The following PRKG2 variants were observed in gnomAD, a reference collection of about 807,000 sequenced individuals.
PRKG2 encodes the protein protein kinase cGMP-dependent 2.
Under a neutral mutation model 97.2 loss-of-function variants are expected in PRKG2, and 33 were observed. That is an observed-to-expected ratio of 0.34 (90% CI 0.26 to 0.45). PRKG2 has a LOEUF of 0.45. PRKG2 is among the 20% of genes least tolerant of loss of function. The pLI, the probability that PRKG2 is intolerant of heterozygous loss-of-function variation, is 1.00. For missense variants in PRKG2, 638 were observed against 900.0 expected (o/e 0.71, Z 3.73); for synonymous variants, 330 against 321.8 (o/e 1.03, Z -0.27).
At position 81,128,613 on chromosome 4, in the gene PRKG2, C is replaced by T. The variant is rs192105733; in HGVS notation, c.1776+6542G>A. Among the ~76,000 whole-genome samples, 30 of 152,264 alleles carry T rather than the reference C, an allele frequency of 2.0e-4. No individual in the cohort carries two copies. The South Asian group carries it at 2.1e-3, about 11-fold the overall frequency. ...ACTGCTAGATTTTCTAGTTTATTTG[C>T]GTAGAAGTGTTTATAGCATTCTCTG... On this transcript the variant is annotated intron_variant, in intron 14 of 18. Transcript: ENST00000264399.
At chr4:81,100,135 T>C (rs1406505614) in intron 17 of PRKG2, among the ~76,000 whole-genome samples, 1 of 151,630 alleles carries the variant, frequency 6.6e-6, no homozygotes. Flanking sequence ...ATGGCCATAC[T>C]GCCCAAGGTA....
intron 14 of PRKG2, among the ~76,000 whole-genome samples, chr4:81,112,813 A>G (rs1744117577): frequency 6.6e-6 from 1 of 152,190 alleles, no homozygotes; most frequent in African/African-American, 2.4e-5. Flanking sequence ...TATTTTCTAT[A>G]AAAATCACGC....
At chr4:81,153,867 C>G in intron 6 of PRKG2, 146 bp from the exon 7 acceptor site, 1 of 600,628 alleles carries the variant, frequency 1.7e-6, no homozygotes, top group South Asian at 1.9e-5. Context: ...GGGTTCATCT[C>G]ACTAGGGAGT....
intron 3 of PRKG2, 81 bp from the exon 4 acceptor site, chr4:81,171,885 T>C (rs1258295469): frequency 4.2e-6 from 4 of 944,344 alleles, no homozygotes; most frequent in Non-Finnish European, 4.7e-6. Context: ...AATAAAACAA[T>C]CATAAAGCAC....
Position 81,099,295 on chromosome 4 carries a change from T to C in PRKG2, c.2126+5075A>G, listed in dbSNP as rs555258125. Among the ~76,000 whole-genome samples, 712 of 152,226 alleles carry C rather than the reference T, an allele frequency of 4.7e-3. 4 individuals are homozygous for C. The highest frequency in any genetic ancestry group is 0.016 in the African/African-American group (685 of 41,546). On this transcript the variant is annotated intron_variant, in intron 17 of 18. Coordinates refer to ENST00000264399, the MANE Select transcript of PRKG2 (RefSeq NM_006259.3). The stretch of plus-strand genomic sequence containing the variant: ...TTTAGACCAATATCCTTGATGAACA[T>C]TGATGCAAAAATCCTCAATAAAATA...
At chr4:81,139,229 G>A (rs113848790) in intron 12 of PRKG2, among the ~76,000 whole-genome samples, 1 of 152,098 alleles carries the variant, frequency 6.6e-6, no homozygotes, top group Non-Finnish European at 1.5e-5. Flanking sequence ...TAGGACCAGG[G>A]TACATTCCCC....
chr4:81,185,707 G>A (rs1039678119), intron 2 of PRKG2, among the ~76,000 whole-genome samples: 2 of 151,674 alleles, frequency 1.3e-5, no homozygotes, highest in Non-Finnish European at 2.9e-5. Context: ...AGACCCCTCG[G>A]GGTGCTGTGT....
chr4:81,137,998 G>C (rs1746879208), intron 12 of PRKG2, among the ~76,000 whole-genome samples: 1 of 152,148 alleles, frequency 6.6e-6, no homozygotes, highest in Non-Finnish European at 1.5e-5. Context: ...GAGTGCAATT[G>C]GAAACAACAC....
intron 2 of PRKG2, chr4:81,175,900 A>G (rs1029010037): frequency 5.3e-5 from 8 of 152,298 alleles, no homozygotes; most frequent in Admixed American, 3.9e-4. Context: ...TCAGATCTGC[A>G]CAATATATTT....
chr4:81,093,567 A>G (rs901733740), intron 17 of PRKG2, among the ~76,000 whole-genome samples: 11 of 152,202 alleles, frequency 7.2e-5, no homozygotes, highest in Non-Finnish European at 1.5e-4. Context: ...TCTGTGCCCC[A>G]GCACTTGGAG....
chr4:81,123,326 C>T (rs1435611056), intron 14 of PRKG2, among the ~76,000 whole-genome samples: 3 of 152,110 alleles, frequency 2.0e-5, no homozygotes, highest in Non-Finnish European at 4.4e-5. Context: ...CTAGGAATTC[C>T]ACCCTTTTAA....
intron 14 of PRKG2, among the ~76,000 whole-genome samples, chr4:81,128,453 T>A (rs528201931): frequency 6.6e-6 from 1 of 152,310 alleles, no homozygotes; most frequent in East Asian, 1.9e-4. Flanking sequence ...TGTGAATCCA[T>A]CTGGTCTTGG....
At chr4:81,193,984 C>A (rs1157934484) in intron 2 of PRKG2, among the ~76,000 whole-genome samples, 1 of 152,176 alleles carries the variant, frequency 6.6e-6, no homozygotes, top group African/African-American at 2.4e-5. Context: ...CCAAACCACA[C>A]AGTGCCAGGC....
intron 14 of PRKG2, among the ~76,000 whole-genome samples, chr4:81,129,782 T>C (rs772960367): frequency 1.3e-5 from 2 of 152,192 alleles, no homozygotes; most frequent in East Asian, 3.9e-4. Flanking sequence ...CTTGACTCTA[T>C]CCAATTTGCC....
rs1376340653 is a variant in PRKG2 at position 81,088,390 on chromosome 4, T to C, written c.*1318A>G. The C allele has an allele frequency of 6.6e-6, 1 of 152,194 alleles. No homozygotes were observed. Among genetic ancestry groups the C allele is most frequent in the Non-Finnish European group, 1.5e-5 (1 of 68,028 alleles). 9.4% of individuals were successfully genotyped at this position (152,194 alleles called of 1,614,324 possible). A position where few individuals can be genotyped will look rare whatever the true frequency, so the allele number is the denominator to read the frequency against. On this transcript the variant is annotated 3_prime_UTR_variant, in exon 19 of 19. Coordinates refer to ENST00000264399, the MANE Select transcript of PRKG2 (RefSeq NM_006259.3). ...AATCCCGGAACTTATACAGTATTTT[T>C]ACTCTGCTAGATTTAAAAAATACAG... is the stretch of plus-strand genomic sequence containing the variant.
intron 17 of PRKG2, among the ~76,000 whole-genome samples, chr4:81,097,045 G>A (rs957763486): frequency 7.2e-5 from 11 of 152,194 alleles, no homozygotes; most frequent in South Asian, 4.1e-4. Context: ...CTTACAAAAT[G>A]TATTTCTCAA....
chr4:81,135,095 C>A, intron 14 of PRKG2, 60 bp downstream of exon 14: 1 of 1,473,250 alleles, frequency 6.8e-7, no homozygotes, highest in Non-Finnish European at 9.2e-7. Flanking sequence ...GCAACTAGAA[C>A]ACAACTTTTG....
chr4:81,160,011 A>G (rs1225826301), intron 6 of PRKG2, among the ~76,000 whole-genome samples: 1 of 151,510 alleles, frequency 6.6e-6, no homozygotes, highest in South Asian at 2.1e-4. Context: ...CTAATGCTAG[A>G]TGACGAATTA....
rs759542953 is a variant in PRKG2 at position 81,169,675 on chromosome 4, T to A, written c.836A>T (p.Asn279Ile). 34 of 1,599,000 alleles carry A rather than the reference T, an allele frequency of 2.1e-5. No homozygotes were observed. The highest frequency in any genetic ancestry group is 2.9e-5 in the Non-Finnish European group (34 of 1,168,396). The change falls in exon 5 of 19, where the codon AAC becomes ATC. Residue 279 changes from asparagine (N) to isoleucine (I), a missense_variant. Asn to Ile is a moderately radical substitution (Grantham distance 149, BLOSUM62 -3). Transcript: ENST00000264399. ...GTATTATTCTTACCTTCTGAGGAAGTTTCTGTATTGTTCATCTCTAGCTTG... is the reference window on the plus strand; with the variant it reads ...GTATTATTCTTACCTTCTGAGGAAGATTCTGTATTGTTCATCTCTAGCTTG... ...TAQARDEQYR[N>I]FLRSVSLLKN...
Sources: gnomAD v4.1 joint callset for allele counts (sites outside exome capture counted in the v4.1 genomes callset) on GRCh38, gnomAD v4.1.1 for gene constraint, MANE v1.5 for transcripts, NCBI Gene and HGNC (gene_info 2026-07-23, HGNC 2026-07-21) for gene names.